Variants in APCDD1L observed in about 807,000 individuals in gnomAD.
APCDD1L encodes protein APCDD1-like.
In APCDD1L, 21 loss-of-function variants were observed where a neutral mutation model predicts 24.2. The ratio of observed to expected loss-of-function variants is 0.87; its 90% CI spans 0.61 to 1.25. APCDD1L has a LOEUF of 1.25. Ranked by LOEUF, APCDD1L falls within the 50% of genes most tolerant of loss-of-function variation. The pLI is 0.00. For synonymous variants in APCDD1L, 321 were observed against 323.6 expected (o/e 0.99, Z 0.09); for missense variants, 704 against 711.7 (o/e 0.99, Z 0.12).
At chr20:58,470,856 G>A (rs1323221623) in intron 1 of APCDD1L, 109 bp from the exon 2 acceptor site, 15 of 1,413,444 alleles carry the variant, frequency 1.1e-5, no homozygotes, top group Admixed American at 2.7e-5. Context: ...GGGCTGTCCC[G>A]CAACCTCCAT....
chr20:58,470,455 G>A (rs1165929043), intron 2 of APCDD1L, among the ~76,000 whole-genome samples, 154 bp downstream of exon 2: 1 of 152,220 alleles, frequency 6.6e-6, no homozygotes, highest in African/African-American at 2.4e-5. Context: ...ATTGCACTCT[G>A]GGAGGGGAGG....
At chr20:58,484,518 C>G (rs4812006) in intron 1 of APCDD1L, among the ~76,000 whole-genome samples, 1 of 152,056 alleles carries the variant, frequency 6.6e-6, no homozygotes, top group Non-Finnish European at 1.5e-5. Flanking sequence ...ATCCAATTAT[C>G]ATTTTTATAA....
chr20:58,475,570 T>C (rs1479349293), intron 1 of APCDD1L, among the ~76,000 whole-genome samples: 1 of 152,122 alleles, frequency 6.6e-6, no homozygotes, highest in Admixed American at 6.6e-5. Context: ...GTGTGGTAAA[T>C]GGCCTGAGGG....
At chr20:58,481,346 C>G (rs535131714) in intron 1 of APCDD1L, among the ~76,000 whole-genome samples, 1 of 152,194 alleles carries the variant, frequency 6.6e-6, no homozygotes, top group East Asian at 1.9e-4. Context: ...TCAATAAGAA[C>G]GAAGGTGTTC....
intron 1 of APCDD1L, among the ~76,000 whole-genome samples, chr20:58,506,397 G>A (rs1213921319): frequency 6.6e-6 from 1 of 152,244 alleles, no homozygotes; most frequent in East Asian, 1.9e-4. Context: ...GCTGGAATCT[G>A]TAGGGCAGTG....
At position 58,485,633 on chromosome 20, in the gene APCDD1L, C is replaced by T. The variant is rs545717612; in HGVS notation, c.50-14886G>A. 7.9e-5 allele frequency among the ~76,000 whole-genome samples: 12 copies of T among 152,302 alleles called. No individual in the cohort carries two copies. The South Asian group carries it at 1.2e-3, about 16-fold the overall frequency. On this transcript the variant is annotated intron_variant, in intron 1 of 3. Coordinates refer to ENST00000371149, the MANE Select transcript of APCDD1L (RefSeq NM_153360.3). ...AGATGAAAAGCTGACAGGGGCCTCT[C>T]GCTGTTTCCCTGGCACTCACTCTGG...
chr20:58,472,591 T>G (rs1030561815), intron 1 of APCDD1L, among the ~76,000 whole-genome samples: 2 of 152,254 alleles, frequency 1.3e-5, no homozygotes, highest in Non-Finnish European at 2.9e-5. Flanking sequence ...AATGCTGGTG[T>G]AGCCCTAGGT....
At chr20:58,498,798 T>C (rs1990374097) in intron 1 of APCDD1L, among the ~76,000 whole-genome samples, 2 of 152,238 alleles carry the variant, frequency 1.3e-5, no homozygotes, top group South Asian at 2.1e-4. Flanking sequence ...TCCTCTGTCA[T>C]TGGAGACACA....
chr20:58,460,883 C>A lies in APCDD1L; in HGVS notation c.1413G>T (p.Ser471=). The stretch of plus-strand genomic sequence containing the variant: ...CCCCTGTGCTGGGGTGCTTCTGCAG[C>A]GATGGCCTGTGCTGCGGTGGCCTGG... ...DFSRPPQHRP[S]LQKHPSTGGL... Residue 471 remains serine (S), a synonymous_variant, in exon 4 of 4, where the codon TCG becomes TCT. Transcript: ENST00000371149. This position sits in a 1 kb window ranked among gnomAD's most constrained non-coding sequence, Gnocchi z 4.2. 1 of 1,598,120 alleles carries A rather than the reference C, an allele frequency of 6.3e-7. No individual in the cohort carries two copies.
chr20:58,478,381 T>TTCCTTCCTTCCC, intron 1 of APCDD1L, among the ~76,000 whole-genome samples: 1 of 151,842 alleles, frequency 6.6e-6, no homozygotes, highest in East Asian at 1.9e-4. Flanking sequence ...CCTTCCTTCC[T>TTCCTTCCTTCCC]TCCCTCTGTC....
chr20:58,460,388 C>G lies in APCDD1L; in HGVS notation c.*402G>C, dbSNP rs1182541013. On this transcript the variant is annotated 3_prime_UTR_variant, in exon 4 of 4. Coordinates refer to ENST00000371149, the MANE Select transcript of APCDD1L (RefSeq NM_153360.3). This position sits in a 1 kb window ranked among gnomAD's most constrained non-coding sequence, Gnocchi z 4.2. The stretch of plus-strand genomic sequence containing the variant: ...GGCAGAGCCTCAGGATCTCCTCTTG[C>G]TCCCATCTTGGAATCCCAAGGGTCA... 1 of 173,666 alleles carries G rather than the reference C, an allele frequency of 5.8e-6. No homozygotes were observed. The highest frequency in any genetic ancestry group is 1.2e-5 in the Non-Finnish European group (1 of 82,632). The allele number at this position is 173,666 out of a possible 1,614,324, so 10.8% of individuals were successfully genotyped here.
chr20:58,468,272 T>A (rs553352438), intron 2 of APCDD1L, among the ~76,000 whole-genome samples: 29 of 152,296 alleles, frequency 1.9e-4, no homozygotes, highest in African/African-American at 6.7e-4. Flanking sequence ...GATACGTGCA[T>A]GGATGGGCAT....
Position 58,467,329 on chromosome 20 carries a change from A to G in APCDD1L, c.518T>C (p.Leu173Pro). ...AGCCCGGGCGCTCCGCAGCTCGTAC[A>G]GCGCCCCAGGCAGCCAGGCCCGGGC... ...PPARAWLPGA[L>P]YELRSARAQG... Residue 173 changes from leucine to proline, a missense_variant, in exon 3 of 4, where the codon CTG becomes CCG. Leu to Pro is a moderately conservative substitution (Grantham distance 98). Coordinates refer to ENST00000371149, the MANE Select transcript of APCDD1L (RefSeq NM_153360.3). The surrounding 1 kb of genome is among the most constrained non-coding windows in gnomAD (Gnocchi z 5.9). The G allele has an allele frequency of 1.3e-6, 2 of 1,508,898 alleles. No homozygotes were observed. Among genetic ancestry groups the G allele is most frequent in the Non-Finnish European group, 1.8e-6 (2 of 1,135,640 alleles). 93.5% of individuals were successfully genotyped at this position (1,508,898 alleles called of 1,614,324 possible). A position where few individuals can be genotyped will look rare whatever the true frequency, so the allele number is the denominator to read the frequency against.
Position 58,461,258 on chromosome 20 carries a change from G to A in APCDD1L, c.1038C>T (p.Arg346=), listed in dbSNP as rs199818601. ...CCTCAAACACCAGCTCGGTGCCGCC[G>A]CGGACCCTGGTGGATGGCGTGCCCC... ...YTRGTPSTRV[R]GGTELVFEVT... The change falls in exon 4 of 4, where the codon CGC becomes CGT. Residue 346 remains arginine, a synonymous_variant. Coordinates refer to ENST00000371149, the MANE Select transcript of APCDD1L (RefSeq NM_153360.3). The surrounding 1 kb of genome is among the most constrained non-coding windows in gnomAD (Gnocchi z 6.0). 1.9e-4 allele frequency: 308 copies of A among 1,613,328 alleles called. 2 individuals carry two copies. Among genetic ancestry groups the A allele is most frequent in the Non-Finnish European group, 2.0e-5 (24 of 1,179,802 alleles).
At chr20:58,496,241 G>C (rs998216811) in intron 1 of APCDD1L, among the ~76,000 whole-genome samples, 1 of 152,196 alleles carries the variant, frequency 6.6e-6, no homozygotes, top group Non-Finnish European at 1.5e-5. Context: ...GGGGTCAGAG[G>C]GGCTCGCAGT....
intron 1 of APCDD1L, among the ~76,000 whole-genome samples, chr20:58,493,919 T>TAATA (rs1412799124): frequency 6.6e-6 from 1 of 152,146 alleles, no homozygotes; most frequent in Non-Finnish European, 1.5e-5. Context: ...ACCTAACTAT[T>TAATA]AATAGTCTAC....
intron 1 of APCDD1L, among the ~76,000 whole-genome samples, chr20:58,499,966 G>C (rs1365891196): frequency 6.6e-6 from 1 of 152,010 alleles, no homozygotes; most frequent in East Asian, 1.9e-4. Context: ...CTACAGACTG[G>C]GCACTTCCAT....
intron 1 of APCDD1L, among the ~76,000 whole-genome samples, chr20:58,498,434 CAA>C (rs978988688): frequency 8.5e-5 from 13 of 152,240 alleles, no homozygotes; most frequent in Non-Finnish European, 1.8e-4. Context: ...TCCTGATTAA[CAA>C]GGATATAATT....
chr20:58,467,952 C>T lies in APCDD1L; in HGVS notation c.189-294G>A, dbSNP rs954484281. 1.3e-5 allele frequency among the ~76,000 whole-genome samples: 2 copies of T among 152,134 alleles called. No individual in the cohort carries two copies. Among genetic ancestry groups the T allele is most frequent in the African/African-American group, 4.8e-5 (2 of 41,438 alleles). On this transcript the variant is annotated intron_variant, in intron 2 of 3. Coordinates refer to ENST00000371149, the MANE Select transcript of APCDD1L (RefSeq NM_153360.3). The surrounding 1 kb of genome is among the most constrained non-coding windows in gnomAD (Gnocchi z 5.9). ...TTGCAACCACCTGGGGACCCGCTGG[C>T]CTGGGAGCTCCGGGATGCCCTGCCT...
Sources: allele counts gnomAD v4.1 joint callset (sites outside exome capture counted in the v4.1 genomes callset), GRCh38; gene constraint gnomAD v4.1.1; non-coding constraint Gnocchi (gnomAD v3.1); transcripts MANE v1.5; gene names NCBI Gene and HGNC (gene_info 2026-07-23, HGNC 2026-07-21).